PTPRD: variants seen among roughly 807,000 people sequenced by gnomAD.
PTPRD encodes receptor-type tyrosine-protein phosphatase delta.
A neutral mutation model predicts 214.5 loss-of-function variants in PTPRD; 34 were observed. The observed-to-expected ratio is 0.16, with a 90% confidence interval of 0.12 to 0.21. The LOEUF is 0.21. PTPRD is among the 10% of genes least tolerant of loss of function. The pLI is 1.00. For missense variants in PTPRD, 2,545 were observed against 2,398.7 expected, an observed-to-expected ratio of 1.06 and a Z score of -1.27; for synonymous variants, 1,128 against 845.7, an observed-to-expected ratio of 1.33 and a Z score of -5.79.
chr9:10,142,896 C>A (rs929559937), intron 3 of PTPRD, among the ~76,000 whole-genome samples: 1 of 148,812 alleles, frequency 6.7e-6, no homozygotes, highest in Non-Finnish European at 1.5e-5. Context: ...CAATGATAGA[C>A]TGGATTAAGA....
intron 8 of PTPRD, among the ~76,000 whole-genome samples, chr9:9,561,433 C>T (rs369260567): frequency 3.0e-4 from 45 of 152,262 alleles, no homozygotes; most frequent in Admixed American, 3.3e-4. Flanking sequence ...GCATATTTGA[C>T]GCAGAATAAA....
chr9:9,604,678 G>A (rs1297594930), intron 7 of PTPRD, among the ~76,000 whole-genome samples: 1 of 151,980 alleles, frequency 6.6e-6, no homozygotes, highest in Admixed American at 6.6e-5. Context: ...AGCTCGTTAT[G>A]ATTACATTTT....
At position 10,557,557 on chromosome 9, in the gene PTPRD, A is replaced by G. The variant is rs534131905; in HGVS notation, c.-600+54841T>C. Among the ~76,000 whole-genome samples, 4 of 152,274 alleles carry G rather than the reference A, an allele frequency of 2.6e-5. No individual in the cohort carries two copies. In the South Asian group the frequency reaches 6.2e-4, roughly 24 times the overall value. Reference sequence around the variant, plus strand: ...ACAAAGTTTTCACTGCTGCTCTGCTATCACTGTCCCCAAATCTCCAAACCT... The same window carrying G: ...ACAAAGTTTTCACTGCTGCTCTGCTGTCACTGTCCCCAAATCTCCAAACCT... On this transcript the variant is annotated intron_variant, in intron 2 of 45. Transcript: ENST00000381196.
chr9:9,885,064 G>C (rs1282502420), intron 5 of PTPRD, among the ~76,000 whole-genome samples: 1 of 151,992 alleles, frequency 6.6e-6, no homozygotes, highest in Non-Finnish European at 1.5e-5. Context: ...TAGTAAAACT[G>C]GTGCCTGTAG....
chr9:10,201,080 G>C (rs886515016), intron 3 of PTPRD, among the ~76,000 whole-genome samples: 4 of 151,982 alleles, frequency 2.6e-5, no homozygotes, highest in Non-Finnish European at 5.9e-5. Context: ...GTTACAAAAT[G>C]TTTGGAGTTA....
chr9:9,158,616 A>G (rs547474876), intron 10 of PTPRD, among the ~76,000 whole-genome samples: 46 of 152,190 alleles, frequency 3.0e-4, no homozygotes, highest in African/African-American at 1.1e-3. Flanking sequence ...AAATAAATAA[A>G]TAAATAAAAA....
At chr9:9,568,393 T>C (rs1463984406) in intron 8 of PTPRD, among the ~76,000 whole-genome samples, 2 of 151,900 alleles carry the variant, frequency 1.3e-5, no homozygotes, top group Admixed American at 1.3e-4. Flanking sequence ...ATATTCTGCC[T>C]TCTCATCTTT....
At chr9:10,457,484 G>A (rs1473145878) in intron 2 of PTPRD, among the ~76,000 whole-genome samples, 1 of 151,960 alleles carries the variant, frequency 6.6e-6, no homozygotes, top group Non-Finnish European at 1.5e-5. Context: ...TAGTAGTGTA[G>A]CATTCCATTT....
At chr9:9,003,376 C>A (rs2154356606) in intron 11 of PTPRD, among the ~76,000 whole-genome samples, 1 of 152,126 alleles carries the variant, frequency 6.6e-6, no homozygotes, top group South Asian at 2.1e-4. Context: ...TTTTGTTACC[C>A]AAAGCCTCCC....
intron 11 of PTPRD, among the ~76,000 whole-genome samples, chr9:8,759,607 T>C (rs1228230077): frequency 7.9e-6 from 1 of 127,156 alleles, no homozygotes; most frequent in Non-Finnish European, 1.7e-5. Context: ...TTTGTTCCTG[T>C]TACATTTCTT....
At chr9:9,013,531 C>T (rs1329073671) in intron 11 of PTPRD, among the ~76,000 whole-genome samples, 3 of 152,028 alleles carry the variant, frequency 2.0e-5, no homozygotes, top group African/African-American at 4.8e-5. Flanking sequence ...TTTTCCTGCT[C>T]CAATGGACAA....
intron 11 of PTPRD, chr9:8,797,091 T>C (rs1425877350): frequency 6.6e-6 from 1 of 152,146 alleles, no homozygotes; most frequent in African/African-American, 2.4e-5. Context: ...TATTAGTACA[T>C]ATTCAAGAGA....
chr9:8,868,840 C>A (rs1464136956), intron 11 of PTPRD, among the ~76,000 whole-genome samples: 1 of 152,160 alleles, frequency 6.6e-6, no homozygotes, highest in Non-Finnish European at 1.5e-5. Flanking sequence ...TTCAATCAAA[C>A]CTCCACTGTG....
intron 11 of PTPRD, among the ~76,000 whole-genome samples, chr9:8,980,287 T>C (rs1309709807): frequency 1.3e-5 from 2 of 152,006 alleles, no homozygotes; most frequent in East Asian, 1.9e-4. Context: ...AGCAGATATG[T>C]AGATGAACAA....
At chr9:9,086,541 T>C (rs1412360899) in intron 10 of PTPRD, among the ~76,000 whole-genome samples, 1 of 151,726 alleles carries the variant, frequency 6.6e-6, no homozygotes, top group African/African-American at 2.4e-5. Flanking sequence ...GATTGGATTC[T>C]CAATTCTTGG....
intron 21 of PTPRD, among the ~76,000 whole-genome samples, chr9:8,510,778 C>G (rs2097661926): frequency 6.6e-6 from 1 of 152,056 alleles, no homozygotes. Context: ...AATCCACAAC[C>G]ATGAAGCTGA....
intron 5 of PTPRD, among the ~76,000 whole-genome samples, chr9:9,864,618 A>C (rs993068992): frequency 6.6e-6 from 1 of 152,072 alleles, no homozygotes; most frequent in African/African-American, 2.4e-5. Flanking sequence ...TCTTGGGCTC[A>C]AGTGATCCTC....
At chr9:9,907,401 A>C (rs1166998606) in intron 5 of PTPRD, among the ~76,000 whole-genome samples, 3 of 151,908 alleles carry the variant, frequency 2.0e-5, no homozygotes, top group African/African-American at 7.2e-5. Context: ...AGAGGACAGA[A>C]ATTCAAGATC....
intron 10 of PTPRD, among the ~76,000 whole-genome samples, chr9:9,173,859 G>A (rs1464531837): frequency 6.6e-6 from 1 of 151,964 alleles, no homozygotes; most frequent in African/African-American, 2.4e-5. Context: ...ACTCTAATGT[G>A]TTCTTGTTCA....
Sources: allele counts gnomAD v4.1 joint callset (sites outside exome capture counted in the v4.1 genomes callset), GRCh38; gene constraint gnomAD v4.1.1; transcripts MANE v1.5; gene names NCBI Gene and HGNC (gene_info 2026-07-23, HGNC 2026-07-21).